The following UBAP2 variants were observed in gnomAD, a reference collection of about 807,000 sequenced individuals.
UBAP2 encodes the protein ubiquitin associated protein 2.
UBAP2 carries 75 observed loss-of-function variants against 139.6 expected under a neutral mutation model. The observed-to-expected ratio is 0.54, with a 90% CI of 0.45 to 0.65. The LOEUF is 0.65. Ranked by LOEUF, UBAP2 falls within the 30% of genes least tolerant of loss-of-function variation. The pLI is 0.00. For missense variants in UBAP2, 1,368 were observed against 1,369.6 expected, an observed-to-expected ratio of 1.00 and a Z score of 0.02; for synonymous variants, 526 against 526.2, an observed-to-expected ratio of 1.00 and a Z score of 0.01.
intron 15 of UBAP2, among the ~76,000 whole-genome samples, chr9:33,942,534 T>A (rs573233438): frequency 6.6e-6 from 1 of 151,728 alleles, no homozygotes. Context: ...TTGAGGCCAG[T>A]CTGGGCAACA....
intron 16 of UBAP2, among the ~76,000 whole-genome samples, chr9:33,936,665 CAAATAAAT>C (rs755139390): frequency 6.6e-6 from 1 of 151,906 alleles, no homozygotes; most frequent in Non-Finnish European, 1.5e-5. Flanking sequence ...CAAAACAAAA[CAAATAAAT>C]AAATAAAGGA....
intron 2 of UBAP2, among the ~76,000 whole-genome samples, chr9:34,010,945 T>TA (rs1221229905): frequency 6.6e-6 from 1 of 151,848 alleles, no homozygotes; most frequent in African/African-American, 2.4e-5. Flanking sequence ...GTGGAAAAAG[T>TA]ATGAAAAAGT....
Position 33,948,436 on chromosome 9 carries a change from G to A in UBAP2, c.1208C>T (p.Thr403Ile), listed in dbSNP as rs1462877234. ...CTTGAGGTCCCAAGAAGTAGTAGTT[G>A]TAGGGTGACTTGTACTATTCTGCTG... ...STQQNSTSHPTTTTSWDLKPP... is the reference protein window; with the variant it reads ...STQQNSTSHPITTTSWDLKPP... The change falls in exon 13 of 29, where the codon ACA (threonine) becomes ATA (isoleucine). Residue 403 changes from threonine to isoleucine, a missense_variant. Physicochemically the swap from Thr to Ile is moderately conservative, Grantham distance 89. Transcript: ENST00000379238. 2.5e-6 allele frequency: 4 copies of A among 1,614,094 alleles called. No homozygotes were observed.
intron 6 of UBAP2, among the ~76,000 whole-genome samples, chr9:33,984,117 T>G (rs1315181769): frequency 1.3e-5 from 2 of 151,934 alleles, no homozygotes; most frequent in East Asian, 3.9e-4. Context: ...TTGGCCAGGG[T>G]GGTCTCGAAC....
At chr9:33,930,518 T>G (rs1203949280) in intron 19 of UBAP2, among the ~76,000 whole-genome samples, 1 of 151,786 alleles carries the variant, frequency 6.6e-6, no homozygotes, top group Non-Finnish European at 1.5e-5. Flanking sequence ...GATACACTTG[T>G]GGGGATACAC....
intron 8 of UBAP2, among the ~76,000 whole-genome samples, chr9:33,967,337 C>T (rs1229332019): frequency 6.6e-6 from 1 of 152,136 alleles, no homozygotes; most frequent in Non-Finnish European, 1.5e-5. Flanking sequence ...ATTGCACTGG[C>T]TAGGACCTCC....
chr9:33,927,021 C>T lies in UBAP2; in HGVS notation c.2431G>A (p.Val811Ile), dbSNP rs762407169. 75 of 1,614,088 alleles carry T rather than the reference C, an allele frequency of 4.6e-5. 1 individual carries two copies. Among genetic ancestry groups the T allele is most frequent in the Middle Eastern group, 3.3e-4 (2 of 6,062 alleles). Residue 811 changes from valine (V) to isoleucine (I), a missense_variant, in exon 21 of 29, where the codon GTA becomes ATA. By Grantham distance (29) the Val-to-Ile change is conservative (BLOSUM62 3). Coordinates refer to ENST00000379238, the MANE Select transcript of UBAP2 (RefSeq NM_001370062.2). ...VPPLLHNQYL[V>I]GPGGLLPAYP... is the part of the protein sequence containing the mutation. ...GCAGGAAGCAGTCCTCCGGGACCTACGAGGTACTGGTTGTGCAGCAGGGGA... is the reference window on the plus strand; with the variant it reads ...GCAGGAAGCAGTCCTCCGGGACCTATGAGGTACTGGTTGTGCAGCAGGGGA...
intron 8 of UBAP2, among the ~76,000 whole-genome samples, chr9:33,964,394 G>T (rs981618087): frequency 1.3e-5 from 2 of 152,160 alleles, no homozygotes; most frequent in Admixed American, 6.5e-5. Flanking sequence ...TAATAAGTGG[G>T]AGGAGATGAA....
intron 7 of UBAP2, among the ~76,000 whole-genome samples, chr9:33,972,573 G>C (rs982894273): frequency 1.3e-5 from 2 of 152,096 alleles, no homozygotes; most frequent in African/African-American, 4.8e-5. Context: ...CTGCATCTAC[G>C]TATGGCTTCC....
chr9:34,002,930 T>TCCTC (rs1465658304), intron 2 of UBAP2, among the ~76,000 whole-genome samples: 1 of 151,624 alleles, frequency 6.6e-6, no homozygotes, highest in Non-Finnish European at 1.5e-5. Flanking sequence ...CTTAAGCAAT[T>TCCTC]CCTCTGCTCA....
chr9:34,037,014 A>T (rs1826478552), intron 1 of UBAP2, among the ~76,000 whole-genome samples: 1 of 107,974 alleles, frequency 9.3e-6, no homozygotes, highest in Admixed American at 1.3e-4. Flanking sequence ...TTTTTGAGAG[A>T]GTCTCGCTCT....
intron 6 of UBAP2, among the ~76,000 whole-genome samples, chr9:33,986,012 C>A (rs147319645): frequency 1.8e-3 from 274 of 150,976 alleles, no homozygotes; most frequent in African/African-American, 6.5e-3. Flanking sequence ...CAAAGTAAGA[C>A]CCTGCATTTA....
At chr9:34,040,323 C>CAAAAAA (rs56317641) in intron 1 of UBAP2, among the ~76,000 whole-genome samples, 11 of 88,868 alleles carry the variant, frequency 1.2e-4, no homozygotes, top group African/African-American at 4.2e-4. Context: ...GACTCTGTCT[C>CAAAAAA]AAAAAAAAAA....
At position 33,989,116 on chromosome 9, in the gene UBAP2, TC is replaced by T; in HGVS notation, c.298del (p.Glu100ArgfsTer3). On this transcript the variant is annotated frameshift_variant, in exon 5 of 29. Coordinates refer to ENST00000379238, the MANE Select transcript of UBAP2 (RefSeq NM_001370062.2). LOFTEE classifies it high-confidence loss of function. ...ATTCTTTTTCTTACACCCTACAGTC[TC>T]CCATGAAGTCTATCAGAGAGAACGG... Reference protein sequence around the residue: ...LEGNSDTTSWETVGCKKKNFA... With the variant: ...LEGNSDTTSWXTVGCKKKNFA... The T allele has an allele frequency of 6.2e-7, 1 of 1,609,384 alleles. No homozygotes were observed. The highest frequency in any genetic ancestry group is 8.5e-7 in the Non-Finnish European group (1 of 1,178,774).
intron 2 of UBAP2, among the ~76,000 whole-genome samples, chr9:34,010,789 G>C (rs1479515565): frequency 6.6e-6 from 1 of 151,992 alleles, no homozygotes. Flanking sequence ...TAAAATTATG[G>C]ATTACTTGTG....
At chr9:34,009,213 C>T (rs1442894574) in intron 2 of UBAP2, among the ~76,000 whole-genome samples, 1 of 151,666 alleles carries the variant, frequency 6.6e-6, no homozygotes, top group Admixed American at 6.6e-5. Context: ...GATTCTTGTG[C>T]CTCACCCTTC....
At chr9:33,987,326 T>A (rs1412695830) in intron 5 of UBAP2, among the ~76,000 whole-genome samples, 3 of 152,084 alleles carry the variant, frequency 2.0e-5, no homozygotes, top group Non-Finnish European at 4.4e-5. Flanking sequence ...GCAGGAGAAT[T>A]GCTTGGACCC....
intron 1 of UBAP2, among the ~76,000 whole-genome samples, chr9:34,033,682 A>T (rs2131339369): frequency 6.6e-6 from 1 of 151,286 alleles, no homozygotes; most frequent in Middle Eastern, 3.4e-3. Context: ...CGCTCAAGAG[A>T]TTCTCCCACC....
chr9:33,985,063 C>T (rs1821089667), intron 6 of UBAP2, among the ~76,000 whole-genome samples: 1 of 152,048 alleles, frequency 6.6e-6, no homozygotes, highest in Non-Finnish European at 1.5e-5. Flanking sequence ...GGAGATTTAT[C>T]AAAAACAAAA....
Sources: gnomAD v4.1 joint callset for allele counts (sites outside exome capture counted in the v4.1 genomes callset) on GRCh38, gnomAD v4.1.1 for gene constraint, MANE v1.5 for transcripts, NCBI Gene and HGNC (gene_info 2026-07-23, HGNC 2026-07-21) for gene names.